The following ATP13A5 variants were observed in gnomAD, a reference collection of about 807,000 sequenced individuals.
ATP13A5 encodes probable cation-transporting ATPase 13A5.
ATP13A5 carries 149 observed loss-of-function variants against 150.2 expected under a neutral mutation model. The ratio of observed to expected loss-of-function variants is 0.99; its 90% CI spans 0.87 to 1.14. The LOEUF is 1.14. Among genes scored for constraint, ATP13A5 ranks in the 50% most tolerant of loss-of-function variants. ATP13A5 has a pLI of 0.00. For missense variants in ATP13A5, 1,383 were observed against 1,449.3 expected (o/e 0.95, Z 0.74); for synonymous variants, 497 against 522.2 (o/e 0.95, Z 0.66).
chr3:193,286,770 G>A (rs750478829), intron 26 of ATP13A5, among the ~76,000 whole-genome samples: 7 of 152,026 alleles, frequency 4.6e-5, no homozygotes, highest in Non-Finnish European at 8.8e-5. Context: ...GAAGAGTCAC[G>A]TGTCTCTCTC....
At chr3:193,336,169 T>C (rs1408954847) in intron 9 of ATP13A5, among the ~76,000 whole-genome samples, 1 of 152,156 alleles carries the variant, frequency 6.6e-6, no homozygotes, top group African/African-American at 2.4e-5. Flanking sequence ...ACAAGAACTT[T>C]GACATATATA....
At chr3:193,342,898 G>A (rs886494313) in intron 9 of ATP13A5, among the ~76,000 whole-genome samples, 1 of 152,124 alleles carries the variant, frequency 6.6e-6, no homozygotes, top group Admixed American at 6.6e-5. Flanking sequence ...AGATACTATG[G>A]CAACATTCTG....
intron 12 of ATP13A5, among the ~76,000 whole-genome samples, chr3:193,327,786 G>A (rs533050100): frequency 6.6e-6 from 1 of 152,222 alleles, no homozygotes; most frequent in African/African-American, 2.4e-5. Context: ...TACATACTCT[G>A]GTGTCTTGAT....
intron 27 of ATP13A5, among the ~76,000 whole-genome samples, chr3:193,280,028 A>AATCTTCCTG (rs1313705574): frequency 2.0e-5 from 3 of 149,390 alleles, no homozygotes; most frequent in Non-Finnish European, 4.4e-5. Context: ...TGTACATAAT[A>AATCTTCCTG]ATCTTCCTGT....
At chr3:193,341,534 G>A (rs1444638715) in intron 9 of ATP13A5, among the ~76,000 whole-genome samples, 7 of 152,092 alleles carry the variant, frequency 4.6e-5, no homozygotes, top group South Asian at 4.1e-4. Flanking sequence ...GAAACAGCGC[G>A]AACAGCACCA....
At chr3:193,340,708 C>A (rs1051305093) in intron 9 of ATP13A5, among the ~76,000 whole-genome samples, 3 of 152,182 alleles carry the variant, frequency 2.0e-5, no homozygotes, top group East Asian at 1.9e-4. Flanking sequence ...GTTCTGGGGA[C>A]AAAATGCCTG....
At chr3:193,302,439 GT>G (rs571456877) in intron 23 of ATP13A5, among the ~76,000 whole-genome samples, 7 of 151,942 alleles carry the variant, frequency 4.6e-5, no homozygotes, top group African/African-American at 1.2e-4. Flanking sequence ...CGATTTCATT[GT>G]TTTTTTCTGC....
At chr3:193,283,157 G>A (rs765923238) in intron 27 of ATP13A5, among the ~76,000 whole-genome samples, 1 of 152,064 alleles carries the variant, frequency 6.6e-6, no homozygotes, top group Non-Finnish European at 1.5e-5. Flanking sequence ...ATATTCAGTG[G>A]AAAAATAATT....
intron 29 of ATP13A5, among the ~76,000 whole-genome samples, chr3:193,275,605 C>T (rs1049002859): frequency 3.3e-5 from 5 of 152,146 alleles, no homozygotes; most frequent in African/African-American, 1.2e-4. Context: ...ACAGCAATAA[C>T]GTGCTCAAAA....
chr3:193,290,810 T>C (rs1717922344), intron 25 of ATP13A5, among the ~76,000 whole-genome samples: 3 of 152,124 alleles, frequency 2.0e-5, no homozygotes, highest in African/African-American at 2.4e-5. Context: ...TAGCTACATA[T>C]ATGAACATGC....
At chr3:193,285,482 T>G (rs1717684159) in intron 26 of ATP13A5, among the ~76,000 whole-genome samples, 1 of 152,212 alleles carries the variant, frequency 6.6e-6, no homozygotes, top group Non-Finnish European at 1.5e-5. Flanking sequence ...AGTTTGAGTC[T>G]GCCACTCCTA....
At chr3:193,350,707 G>A (rs1389297176) in intron 7 of ATP13A5, among the ~76,000 whole-genome samples, 1 of 152,094 alleles carries the variant, frequency 6.6e-6, no homozygotes, top group Non-Finnish European at 1.5e-5. Context: ...AATGTTCTAA[G>A]GGGCATAATA....
chr3:193,318,449 T>A (rs1391863465), intron 17 of ATP13A5, among the ~76,000 whole-genome samples: 1 of 152,224 alleles, frequency 6.6e-6, no homozygotes, highest in Non-Finnish European at 1.5e-5. Flanking sequence ...AACTTATCCC[T>A]GTAATGTAAT....
intron 26 of ATP13A5, 129 bp downstream of exon 26, chr3:193,289,756 T>A: frequency 2.6e-5 from 20 of 769,178 alleles, no homozygotes; most frequent in Middle Eastern, 3.8e-4. Flanking sequence ...TGTCCCATCA[T>A]TTGAGTTTTG....
chr3:193,363,121 ACATAGCTGT>A (rs1713101575), intron 3 of ATP13A5, 106 bp downstream of exon 3: 1 of 1,276,462 alleles, frequency 7.8e-7, no homozygotes, highest in South Asian at 1.5e-5. Context: ...TTTCTTTGAT[ACATAGCTGT>A]CATTCCCATT....
intron 22 of ATP13A5, among the ~76,000 whole-genome samples, 195 bp from the exon 23 acceptor site, chr3:193,305,863 C>A (rs1248952038): frequency 1.3e-5 from 2 of 152,096 alleles, no homozygotes; most frequent in Non-Finnish European, 2.9e-5. Flanking sequence ...TAAACAATGA[C>A]CCAGAGGTAG....
intron 9 of ATP13A5, among the ~76,000 whole-genome samples, chr3:193,341,701 G>A (rs368707704): frequency 1.2e-4 from 18 of 152,244 alleles, no homozygotes; most frequent in African/African-American, 4.1e-4. Context: ...CTAACTGATG[G>A]GGACAACTGT....
intron 16 of ATP13A5, among the ~76,000 whole-genome samples, chr3:193,319,891 G>A (rs1211229632): frequency 6.6e-6 from 1 of 151,870 alleles, no homozygotes; most frequent in Non-Finnish European, 1.5e-5. Context: ...CTGCTTTAAG[G>A]CTTCAGTGAC....
chr3:193,359,348 A>G (rs1416986446), intron 5 of ATP13A5, among the ~76,000 whole-genome samples: 1 of 152,096 alleles, frequency 6.6e-6, no homozygotes, highest in Non-Finnish European at 1.5e-5. Flanking sequence ...ACTGAGGAGT[A>G]AGAGAGTAGG....
Sources: allele counts gnomAD v4.1 joint callset (sites outside exome capture counted in the v4.1 genomes callset), GRCh38; gene constraint gnomAD v4.1.1; transcripts MANE v1.5; gene names NCBI Gene and HGNC (gene_info 2026-07-23, HGNC 2026-07-21).